The following NAV2 variants were observed in gnomAD, a reference collection of about 807,000 sequenced individuals.
NAV2 encodes neuron navigator 2, also known as helicase, APC down-regulated 1.
In NAV2, 54 loss-of-function variants were observed where a neutral mutation model predicts 223.2. That is an observed-to-expected ratio of 0.24 (90% CI 0.19 to 0.30). The LOEUF is 0.30. Ranked by LOEUF, NAV2 falls within the 10% of genes least tolerant of loss-of-function variation. NAV2 has a pLI of 1.00. For missense variants in NAV2, 2,806 were observed against 3,147.5 expected (o/e 0.89, Z 2.60); for synonymous variants, 1,279 against 1,239.3 (o/e 1.03, Z -0.67).
At chr11:20,088,200 T>G (rs1171380265) in intron 26 of NAV2, among the ~76,000 whole-genome samples, 1 of 152,188 alleles carries the variant, frequency 6.6e-6, no homozygotes, top group Non-Finnish European at 1.5e-5. Context: ...GTTTTGAGAC[T>G]GAGTTTCGCT....
At chr11:19,502,791 C>T (rs2043000757) in intron 1 of NAV2, 1 of 152,194 alleles carries the variant, frequency 6.6e-6, no homozygotes, top group South Asian at 2.1e-4. Flanking sequence ...GCTAGAACAC[C>T]TACATGCAGC....
chr11:19,573,316 C>T (rs1487086655), intron 1 of NAV2, among the ~76,000 whole-genome samples: 2 of 152,138 alleles, frequency 1.3e-5, no homozygotes, highest in Non-Finnish European at 2.9e-5. Context: ...TTCTTGGCAC[C>T]TTGTCTGACA....
rs369457220 is a variant in NAV2, at chr11:19,944,705, T to TTTCCTTCCTTCC, written c.2147-1681_2147-1670dup. On this transcript the variant is annotated intron_variant, in intron 8 of 37. Transcript: ENST00000349880. ...TTCTCTTTTCTTTCTTTCTTCCTTC[T>TTTCCTTCCTTCC]TTCCTTCCTTCCTTCCTTCCTTCCT... Among the ~76,000 whole-genome samples the TTTCCTTCCTTCC allele has an allele frequency of 1.9e-3, 272 of 145,268 alleles. 1 individual carries two copies. The highest frequency in any genetic ancestry group is 6.1e-3 in the African/African-American group (225 of 36,744).
intron 1 of NAV2, among the ~76,000 whole-genome samples, chr11:19,680,833 G>A (rs1198728016): frequency 1.3e-5 from 2 of 152,216 alleles, no homozygotes; most frequent in Non-Finnish European, 2.9e-5. Flanking sequence ...TGAGAGAACG[G>A]TAGGGGTCTC....
intron 1 of NAV2, among the ~76,000 whole-genome samples, chr11:19,640,163 C>A (rs553512883): frequency 6.6e-6 from 1 of 152,268 alleles, no homozygotes; most frequent in South Asian, 2.1e-4. Flanking sequence ...ACCCAAATAA[C>A]AAATTCCATT....
chr11:19,495,541 A>C (rs918435443), intron 1 of NAV2, among the ~76,000 whole-genome samples: 12 of 152,152 alleles, frequency 7.9e-5, no homozygotes, highest in Non-Finnish European at 1.6e-4. Flanking sequence ...ACTTACAGAA[A>C]ATACTTAGAA....
chr11:19,631,099 T>C (rs796163064), intron 1 of NAV2, among the ~76,000 whole-genome samples: 6 of 151,884 alleles, frequency 4.0e-5, no homozygotes, highest in African/African-American at 1.4e-4. Flanking sequence ...TCTTTTTTTT[T>C]TTTCTTTTAT....
chr11:19,389,727 T>C (rs1427381574), intron 1 of NAV2, among the ~76,000 whole-genome samples: 2 of 152,238 alleles, frequency 1.3e-5, no homozygotes, highest in Non-Finnish European at 2.9e-5. Flanking sequence ...TGTGAGTCTT[T>C]GGTGCTTTAC....
At chr11:20,081,255 T>G (rs377650298) in intron 25 of NAV2, among the ~76,000 whole-genome samples, 1 of 152,240 alleles carries the variant, frequency 6.6e-6, no homozygotes, top group African/African-American at 2.4e-5. Context: ...TACTAATGGC[T>G]CTTAGTCAAC....
At chr11:19,838,884 A>G (rs1207690440) in intron 2 of NAV2, among the ~76,000 whole-genome samples, 1 of 152,196 alleles carries the variant, frequency 6.6e-6, no homozygotes, top group Non-Finnish European at 1.5e-5. Flanking sequence ...TCGGCCTCCC[A>G]AAGTGCTGGG....
At chr11:19,935,638 C>G (rs2153276638) in intron 7 of NAV2, among the ~76,000 whole-genome samples, 1 of 152,142 alleles carries the variant, frequency 6.6e-6, no homozygotes, top group South Asian at 2.1e-4. Flanking sequence ...CAGCCAGCAC[C>G]AGGCCAGCAA....
chr11:19,389,484 T>A (rs906754997), intron 1 of NAV2, among the ~76,000 whole-genome samples: 2 of 152,226 alleles, frequency 1.3e-5, no homozygotes, highest in African/African-American at 2.4e-5. Flanking sequence ...TGGCTTTGAA[T>A]CTTATTCTCC....
intron 11 of NAV2, chr11:20,023,171 G>A (rs1221083589): frequency 6.5e-7 from 1 of 1,543,770 alleles, no homozygotes; most frequent in African/African-American, 1.4e-5. Context: ...CCAGGGGGTG[G>A]GTGTGGTGCA....
At chr11:20,088,469 C>T (rs560843601) in intron 26 of NAV2, among the ~76,000 whole-genome samples, 205 of 152,278 alleles carry the variant, frequency 1.3e-3, no homozygotes, top group Admixed American at 4.2e-3. Flanking sequence ...GCCGCCAACC[C>T]GGGCCAAGAA....
At chr11:19,449,396 C>CAAA (rs1227657149) in intron 1 of NAV2, among the ~76,000 whole-genome samples, 1 of 122,074 alleles carries the variant, frequency 8.2e-6, no homozygotes, top group South Asian at 2.6e-4. Context: ...GACTCCATCT[C>CAAA]AAAAAAAAAA....
At chr11:19,985,167 C>T (rs984031205) in intron 11 of NAV2, among the ~76,000 whole-genome samples, 4 of 152,188 alleles carry the variant, frequency 2.6e-5, no homozygotes, top group African/African-American at 7.2e-5. Flanking sequence ...TCCTGCTGTT[C>T]CCAGGGCATG....
rs184985428 is a variant in NAV2, at chr11:19,694,580, A to G, written c.76-137904A>G. Reference sequence around the variant, plus strand: ...GGATGAAAGTAACCCACCTCTGGTCATAAAGAGATAGGGCCAGAACTCTAT... The same window carrying G: ...GGATGAAAGTAACCCACCTCTGGTCGTAAAGAGATAGGGCCAGAACTCTAT... On this transcript the variant is annotated intron_variant, in intron 1 of 37. Coordinates refer to the NAV2 transcript ENST00000360655. Among the ~76,000 whole-genome samples, 190 of 152,364 alleles carry G rather than the reference A, an allele frequency of 1.2e-3. 1 individual carries two copies. Among genetic ancestry groups the G allele is most frequent in the Admixed American group, 2.5e-3 (39 of 15,302 alleles).
chr11:20,051,176 TG>T, intron 16 of NAV2, 112 bp from the exon 17 acceptor site: 1 of 838,192 alleles, frequency 1.2e-6, no homozygotes, highest in East Asian at 2.4e-5. Context: ...AGGCACTTCC[TG>T]GTGATGTGCA....
intron 1 of NAV2, among the ~76,000 whole-genome samples, chr11:19,730,889 C>T (rs1464370148): frequency 2.6e-5 from 4 of 151,732 alleles, no homozygotes; most frequent in Non-Finnish European, 5.9e-5. Flanking sequence ...TGCAGCATGC[C>T]CAGTGAAATT....
Sources: gnomAD v4.1 joint callset for allele counts (sites outside exome capture counted in the v4.1 genomes callset) on GRCh38, gnomAD v4.1.1 for gene constraint, MANE v1.5 for transcripts, NCBI Gene and HGNC (gene_info 2026-07-23, HGNC 2026-07-21) for gene names.